The following GLB1L3 variants were observed in gnomAD, a reference collection of about 807,000 sequenced individuals.
GLB1L3 encodes beta-galactosidase-1-like protein 3.
In GLB1L3, 89 loss-of-function variants were observed where a neutral mutation model predicts 89.5. The ratio of observed to expected loss-of-function variants is 0.99; its 90% CI spans 0.84 to 1.19. The LOEUF (loss-of-function observed/expected upper bound fraction) is 1.19, where lower values mean the gene tolerates loss of function less well. GLB1L3 is among the 50% of genes most tolerant of loss of function. The pLI, the probability that GLB1L3 is intolerant of heterozygous loss-of-function variation, is 0.00. For missense variants in GLB1L3, 812 were observed against 813.3 expected (o/e 1.00, Z 0.02); for synonymous variants, 314 against 312.3 (o/e 1.01, Z -0.06).
At chr11:134,313,838 C>G in intron 16 of GLB1L3, 103 bp from the exon 17 acceptor site, 1 of 758,536 alleles carries the variant, frequency 1.3e-6, no homozygotes, top group Admixed American at 2.0e-5. Flanking sequence ...GGCTGTGCCC[C>G]TGTCCTAAGG....
chr11:134,305,530 A>C (rs535233116), intron 9 of GLB1L3, among the ~76,000 whole-genome samples: 66 of 152,336 alleles, frequency 4.3e-4, no homozygotes, highest in African/African-American at 1.6e-3. Flanking sequence ...TTGATTTGGA[A>C]GATTTCCAGG....
At chr11:134,285,674 C>T (rs761934097) in intron 6 of GLB1L3, among the ~76,000 whole-genome samples, 4 of 151,962 alleles carry the variant, frequency 2.6e-5, no homozygotes, top group African/African-American at 9.7e-5. Flanking sequence ...CCCAACTACT[C>T]GGGAAGCTAA....
chr11:134,324,878 TTAA>T, the GLB1L3 span, among the ~76,000 whole-genome samples: 1 of 152,030 alleles, frequency 6.6e-6, no homozygotes, highest in Non-Finnish European at 1.5e-5. Flanking sequence ...CTTTATTGTG[TTAA>T]TATATATTTA....
At position 134,310,607 on chromosome 11, in the gene GLB1L3, C is replaced by A; in HGVS notation, c.1136C>A (p.Thr379Lys). The A allele has an allele frequency of 6.2e-7, 1 of 1,613,514 alleles. No individual in the cohort carries two copies. Among genetic ancestry groups the A allele is most frequent in the South Asian group, 1.1e-5 (1 of 90,958 alleles). ...DAVLTEAGDY[T>K]EKYLKLQKLF... is the part of the protein sequence containing the mutation. ...GTGCTCACGGAGGCTGGAGATTACA[C>A]AGAAAAATATCTGAAGCTTCAAAAA... Residue 379 changes from threonine (T) to lysine (K), a missense_variant, in exon 12 of 20, where the codon ACA becomes AAA. Around this residue, in one of 3 missense-constraint regions of GLB1L3, gnomAD observed 618 missense variants for 604.0 expected, o/e 1.02. Coordinates refer to ENST00000431683, the MANE Select transcript of GLB1L3 (RefSeq NM_001080407.3).
At chr11:134,308,283 A>T (rs1260021924) in intron 10 of GLB1L3, among the ~76,000 whole-genome samples, 2 of 23,532 alleles carry the variant, frequency 8.5e-5, no homozygotes, top group Admixed American at 3.9e-4. Context: ...ACCACCACCA[A>T]ATACCACCAC....
In GLB1L3 at chr11:134,277,663, C is replaced by T. The variant is rs774037627; in HGVS notation, c.150-37C>T. On this transcript the variant is annotated intron_variant, in intron 2 of 19. Coordinates refer to ENST00000431683, the MANE Select transcript of GLB1L3 (RefSeq NM_001080407.3). ...CCGAGCCCTCTCCCGAATCCTCTCT[C>T]CCTTTCCACTTTCTTTCCCTCGCCC... 3.2e-6 allele frequency: 5 copies of T among 1,576,190 alleles called. No individual in the cohort carries two copies. In the Admixed American group the frequency reaches 9.2e-5, roughly 29 times the overall value.
rs1942520061 is a variant in GLB1L3, at chr11:134,308,565, CCACCACCAT to C, written c.962-1055_962-1047del. Among the ~76,000 whole-genome samples the C allele has an allele frequency of 7.8e-5, 11 of 140,498 alleles. No individual in the cohort carries two copies. In the East Asian group the frequency reaches 1.1e-3, roughly 13 times the overall value. 92.2% of individuals were successfully genotyped at this position (140,498 alleles called of 152,430 possible). A position where few individuals can be genotyped will look rare whatever the true frequency, so the allele number is the denominator to read the frequency against. ...ACCATCACCATCACCATCACCACCA[CCACCACCAT>C]CACCATCACCATCATCACCATCACC... is the stretch of plus-strand genomic sequence containing the variant. On this transcript the variant is annotated intron_variant, in intron 10 of 19. Coordinates refer to ENST00000431683, the MANE Select transcript of GLB1L3 (RefSeq NM_001080407.3).
chr11:134,309,501 G>A, intron 10 of GLB1L3, 125 bp from the exon 11 acceptor site: 3 of 550,722 alleles, frequency 5.4e-6, no homozygotes, highest in Non-Finnish European at 9.2e-6. Flanking sequence ...AATGTATATA[G>A]CCGTGAAGCG....
intron 14 of GLB1L3, 95 bp from the exon 15 acceptor site, chr11:134,312,721 G>C: frequency 9.3e-7 from 1 of 1,069,626 alleles, no homozygotes; most frequent in Non-Finnish European, 1.4e-6. Context: ...GCTGGTCCCT[G>C]CCTTCATACT....
downstream of GLB1L3, among the ~76,000 whole-genome samples, chr11:134,321,452 A>G (rs953890572): frequency 6.6e-6 from 1 of 152,224 alleles, no homozygotes; most frequent in Non-Finnish European, 1.5e-5. Flanking sequence ...TCATGCTGCT[A>G]TAAAGACACA....
chr11:134,277,213 G>A (rs376668264), intron 1 of GLB1L3, 113 bp from the exon 2 acceptor site: 49 of 1,372,438 alleles, frequency 3.6e-5, no homozygotes, highest in Admixed American at 3.6e-4. Flanking sequence ...CCTGTGTCGC[G>A]GGCCCCCTCC....
intron 9 of GLB1L3, among the ~76,000 whole-genome samples, chr11:134,297,372 A>G (rs912800010): frequency 2.6e-5 from 4 of 152,196 alleles, no homozygotes; most frequent in Admixed American, 2.6e-4. Context: ...CATCATTCAC[A>G]TTTAAAGTAG....
intron 9 of GLB1L3, among the ~76,000 whole-genome samples, chr11:134,305,729 G>A (rs1208242964): frequency 6.6e-6 from 1 of 151,988 alleles, no homozygotes; most frequent in African/African-American, 2.4e-5. Flanking sequence ...AAATAGAGTA[G>A]TAAAAAGGCT....
intron 9 of GLB1L3, among the ~76,000 whole-genome samples, chr11:134,303,026 G>T (rs1031714297): frequency 1.3e-5 from 2 of 152,074 alleles, no homozygotes; most frequent in African/African-American, 4.8e-5. Context: ...GTATTTTGAG[G>T]CTATGTAAAT....
At chr11:134,317,658 T>C (rs900628670) in intron 18 of GLB1L3, among the ~76,000 whole-genome samples, 2 of 152,220 alleles carry the variant, frequency 1.3e-5, no homozygotes, top group African/African-American at 4.8e-5. Context: ...ATCAATGTTC[T>C]ATTATGTCAA....
intron 6 of GLB1L3, among the ~76,000 whole-genome samples, chr11:134,287,615 A>G (rs1019003411): frequency 1.1e-4 from 17 of 152,210 alleles, no homozygotes; most frequent in South Asian, 4.1e-4. Flanking sequence ...ATTGTTTTCA[A>G]CTCACTCGCT....
chr11:134,317,523 A>T (rs2136236819), intron 18 of GLB1L3, among the ~76,000 whole-genome samples: 1 of 152,190 alleles, frequency 6.6e-6, no homozygotes, highest in East Asian at 1.9e-4. Flanking sequence ...TATCTTTTTT[A>T]TCAGTTTCTT....
rs528124196 is a variant in GLB1L3, at chr11:134,292,850, C to G, written c.812-295C>G. ...CTGGAACACGTGCTGAGCTTGGGGCCAGGAAGCCTGTGTCCCGTTTCCAGT... is the reference window on the plus strand; with the variant it reads ...CTGGAACACGTGCTGAGCTTGGGGCGAGGAAGCCTGTGTCCCGTTTCCAGT... On this transcript the variant is annotated intron_variant, in intron 8 of 19. Coordinates refer to ENST00000431683, the MANE Select transcript of GLB1L3 (RefSeq NM_001080407.3). 944 of 501,756 alleles carry G rather than the reference C, an allele frequency of 1.9e-3. 5 individuals are homozygous for G. The highest frequency in any genetic ancestry group is 1.8e-3 in the Non-Finnish European group (512 of 279,098). The allele number at this position is 501,756 out of a possible 1,614,324, so 31.1% of individuals were successfully genotyped here. A position where few individuals can be genotyped will look rare whatever the true frequency, so the allele number is the denominator to read the frequency against.
rs768089323 is a variant in GLB1L3 at position 134,319,047 on chromosome 11, C to T, written c.*105C>T. ...TCTGCTCACTGCAAGCTCAGCCTCTCGGGTTCACGCCATTCTCCTGCCTCA... is the reference window on the plus strand; with the variant it reads ...TCTGCTCACTGCAAGCTCAGCCTCTTGGGTTCACGCCATTCTCCTGCCTCA... On this transcript the variant is annotated 3_prime_UTR_variant, in exon 20 of 20. Coordinates refer to ENST00000431683, the MANE Select transcript of GLB1L3 (RefSeq NM_001080407.3). 27 of 783,326 alleles carry T rather than the reference C, an allele frequency of 3.4e-5. No homozygotes were observed. The highest frequency in any genetic ancestry group is 5.2e-5 in the African/African-American group (3 of 58,006). 48.5% of individuals were successfully genotyped at this position (783,326 alleles called of 1,614,324 possible).
Sources: allele counts gnomAD v4.1 joint callset (sites outside exome capture counted in the v4.1 genomes callset), GRCh38; gene constraint gnomAD v4.1.1; regional missense constraint gnomAD v4.1.1; transcripts MANE v1.5; gene names NCBI Gene and HGNC (gene_info 2026-07-23, HGNC 2026-07-21).